Variants in SGCZ observed in about 807,000 individuals in gnomAD.
SGCZ encodes the protein zeta-sarcoglycan.
A neutral mutation model predicts 41.3 loss-of-function variants in SGCZ; 40 were observed. The observed-to-expected ratio is 0.97, with a 90% CI of 0.75 to 1.26. The LOEUF is 1.26. Ranked by LOEUF, SGCZ falls within the 50% of genes most tolerant of loss-of-function variation. The pLI is 0.00. For missense variants in SGCZ, 552 were observed against 369.8 expected, an observed-to-expected ratio of 1.49 and a Z score of -4.04; for synonymous variants, 206 against 137.5, an observed-to-expected ratio of 1.50 and a Z score of -3.49.
chr8:14,950,514 T>C (rs1392003913), intron 1 of SGCZ, among the ~76,000 whole-genome samples: 2 of 152,100 alleles, frequency 1.3e-5, no homozygotes, highest in Admixed American at 1.3e-4. Context: ...CTGTTGATAA[T>C]CACCATTAAC....
intron 1 of SGCZ, among the ~76,000 whole-genome samples, chr8:15,058,767 T>C (rs1219268146): frequency 6.6e-6 from 1 of 152,170 alleles, no homozygotes; most frequent in Non-Finnish European, 1.5e-5. Context: ...GAAAATCTCG[T>C]GTCAAAAGTT....
At chr8:15,029,180 A>C (rs936205796) in intron 1 of SGCZ, among the ~76,000 whole-genome samples, 12 of 152,124 alleles carry the variant, frequency 7.9e-5, no homozygotes, top group African/African-American at 2.7e-4. Context: ...GCAATACAGC[A>C]TAAGAACAGA....
intron 1 of SGCZ, among the ~76,000 whole-genome samples, chr8:14,652,955 G>GGATGCCT (rs1190991312): frequency 6.6e-6 from 1 of 151,976 alleles, no homozygotes; most frequent in Non-Finnish European, 1.5e-5. Context: ...TTGTGAATAT[G>GGATGCCT]GATCATGTAC....
chr8:14,928,896 A>G (rs1799843379), intron 1 of SGCZ, among the ~76,000 whole-genome samples: 1 of 152,192 alleles, frequency 6.6e-6, no homozygotes, highest in African/African-American at 2.4e-5. Flanking sequence ...TCTCTCAAAT[A>G]TTAAATTTGT....
At chr8:14,621,481 A>G (rs1365803299) in intron 1 of SGCZ, among the ~76,000 whole-genome samples, 2 of 152,024 alleles carry the variant, frequency 1.3e-5, no homozygotes, top group Non-Finnish European at 2.9e-5. Flanking sequence ...AGCACAAAAA[A>G]AATAAAAATA....
chr8:14,191,105 T>C (rs1805087357), intron 4 of SGCZ, among the ~76,000 whole-genome samples: 1 of 152,220 alleles, frequency 6.6e-6, no homozygotes, highest in Admixed American at 6.5e-5. Context: ...TGATATTGAA[T>C]ACCTTTTCAT....
At chr8:14,340,632 T>C (rs753728707) in intron 2 of SGCZ, among the ~76,000 whole-genome samples, 2 of 152,118 alleles carry the variant, frequency 1.3e-5, no homozygotes, top group Non-Finnish European at 2.9e-5. Flanking sequence ...AATGAGTTTA[T>C]AGAATGTTCA....
chr8:14,323,920 C>A (rs576602887), intron 3 of SGCZ, among the ~76,000 whole-genome samples, 183 bp downstream of exon 3: 1 of 152,062 alleles, frequency 6.6e-6, no homozygotes, highest in East Asian at 1.9e-4. Flanking sequence ...TAAGATTTGT[C>A]GGGTTGAAAC....
intron 4 of SGCZ, among the ~76,000 whole-genome samples, chr8:14,177,958 C>CTTTTTTTTTCT (rs1804601939): frequency 4.2e-5 from 4 of 95,046 alleles, no homozygotes; most frequent in East Asian, 2.7e-4. Flanking sequence ...CTTTTTTTTT[C>CTTTTTTTTTCT]TTTTTTTTTT....
chr8:15,183,206 G>C (rs1342698701), intron 1 of SGCZ, among the ~76,000 whole-genome samples: 1 of 151,576 alleles, frequency 6.6e-6, no homozygotes, highest in Non-Finnish European at 1.5e-5. Flanking sequence ...TGCATCAATA[G>C]TATAGTAAAT....
At chr8:14,604,882 T>C (rs1051844212) in intron 1 of SGCZ, among the ~76,000 whole-genome samples, 8 of 152,298 alleles carry the variant, frequency 5.3e-5, no homozygotes, top group African/African-American at 1.4e-4. Flanking sequence ...GATCTCCAAA[T>C]AGACCTTTCA....
chr8:14,327,174 G>A (rs898862694), intron 2 of SGCZ, among the ~76,000 whole-genome samples: 1 of 152,148 alleles, frequency 6.6e-6, no homozygotes, highest in Admixed American at 6.6e-5. Flanking sequence ...ATGAAGACAG[G>A]TTTATCACCA....
chr8:14,662,297 T>A (rs1306876857), intron 1 of SGCZ, among the ~76,000 whole-genome samples: 5 of 152,202 alleles, frequency 3.3e-5, no homozygotes, highest in Admixed American at 2.0e-4. Flanking sequence ...TATTTCCAAT[T>A]TTTGATTTGT....
intron 1 of SGCZ, among the ~76,000 whole-genome samples, chr8:14,803,660 C>T (rs927428566): frequency 2.0e-5 from 3 of 152,016 alleles, no homozygotes; most frequent in East Asian, 1.9e-4. Context: ...GGAGGGGCGC[C>T]CGCCATTGCC....
At chr8:14,215,388 T>C (rs62492328) in intron 4 of SGCZ, among the ~76,000 whole-genome samples, 36,196 of 151,926 alleles carry the variant, frequency 0.24, 5,550 homozygotes, top group Non-Finnish European at 0.34. Flanking sequence ...ACAGACAAAC[T>C]TACAGCATCC....
chr8:14,827,588 G>A (rs757977050), intron 1 of SGCZ, among the ~76,000 whole-genome samples: 1 of 152,036 alleles, frequency 6.6e-6, no homozygotes, highest in Non-Finnish European at 1.5e-5. Context: ...AACTGCACGG[G>A]TTGTGAAAAA....
chr8:14,467,851 C>T (rs563215526), intron 2 of SGCZ, among the ~76,000 whole-genome samples: 2 of 152,026 alleles, frequency 1.3e-5, no homozygotes, highest in Non-Finnish European at 2.9e-5. Context: ...TCAGATCCTA[C>T]TGATGCAAAG....
intron 2 of SGCZ, among the ~76,000 whole-genome samples, chr8:14,398,752 GTC>G (rs1798989712): frequency 6.6e-6 from 1 of 152,116 alleles, no homozygotes; most frequent in African/African-American, 2.4e-5. Flanking sequence ...AAACTACAGA[GTC>G]TGAGTTATAA....
intron 1 of SGCZ, among the ~76,000 whole-genome samples, chr8:14,766,479 C>G (rs1206080165): frequency 6.6e-6 from 1 of 151,996 alleles, no homozygotes; most frequent in Non-Finnish European, 1.5e-5. Context: ...AAATTGCTGA[C>G]TTACACAAAC....
Sources: gnomAD v4.1 joint callset for allele counts (sites outside exome capture counted in the v4.1 genomes callset) on GRCh38, gnomAD v4.1.1 for gene constraint, MANE v1.5 for transcripts, NCBI Gene and HGNC (gene_info 2026-07-23, HGNC 2026-07-21) for gene names.